STPG2: variants seen among roughly 807,000 people sequenced by gnomAD.
The protein encoded by STPG2 is sperm tail PG-rich repeat containing 2.
Under a neutral mutation model 54.2 loss-of-function variants are expected in STPG2, and 56 were observed. That is an observed-to-expected ratio of 1.03 (90% CI 0.83 to 1.29). STPG2 has a LOEUF of 1.29. Ranked by LOEUF, STPG2 falls within the 50% of genes most tolerant of loss-of-function variation. The pLI, the probability that STPG2 is intolerant of heterozygous loss-of-function variation, is 0.00. For synonymous variants in STPG2, 200 were observed against 181.8 expected (o/e 1.10, Z -0.81); for missense variants, 596 against 544.9 (o/e 1.09, Z -0.93).
chr4:97,974,742 C>T (rs922993547), intron 6 of STPG2, among the ~76,000 whole-genome samples: 1 of 152,166 alleles, frequency 6.6e-6, no homozygotes, highest in African/African-American at 2.4e-5. Flanking sequence ...TGAGGCATCC[C>T]CAGCCATGTG....
chr4:98,073,014 C>T (rs995176372), intron 5 of STPG2, among the ~76,000 whole-genome samples: 14 of 152,100 alleles, frequency 9.2e-5, no homozygotes, highest in African/African-American at 1.7e-4. Flanking sequence ...ATATATGAGA[C>T]GCAGGTGGTT....
chr4:97,708,971 TTG>T (rs1724033493), intron 10 of STPG2, among the ~76,000 whole-genome samples: 1 of 151,876 alleles, frequency 6.6e-6, no homozygotes, highest in Non-Finnish European at 1.5e-5. Flanking sequence ...TCTGTACTAC[TTG>T]AATAGATATT....
intron 10 of STPG2, among the ~76,000 whole-genome samples, chr4:97,646,951 A>C (rs1721930302): frequency 6.6e-6 from 1 of 152,156 alleles, no homozygotes; most frequent in South Asian, 2.1e-4. Flanking sequence ...CGTCTCGATA[A>C]GCAGAGAATT....
intron 9 of STPG2, among the ~76,000 whole-genome samples, chr4:97,836,768 G>A (rs927959457): frequency 2.7e-5 from 4 of 150,932 alleles, no homozygotes; most frequent in Non-Finnish European, 5.9e-5. Flanking sequence ...TACTTGAAAT[G>A]AAGCTCTATA....
rs116952213 is a variant in STPG2, at chr4:98,073,342, T to C, written c.612+32611A>G. 1.0e-3 allele frequency among the ~76,000 whole-genome samples: 158 copies of C among 152,296 alleles called. No individual in the cohort carries two copies. The East Asian group carries it at 0.028, about 27-fold the overall frequency. On this transcript the variant is annotated intron_variant, in intron 5 of 10. Coordinates refer to ENST00000295268, the MANE Select transcript of STPG2 (RefSeq NM_174952.3). ...AGGCACTATGCTAGAATTTTCATACTGTGTATTATCAATGTATGTCTAATA... is the reference window on the plus strand; with the variant it reads ...AGGCACTATGCTAGAATTTTCATACCGTGTATTATCAATGTATGTCTAATA...
intron 9 of STPG2, among the ~76,000 whole-genome samples, chr4:97,735,374 G>A (rs1012516168): frequency 6.6e-6 from 1 of 151,248 alleles, no homozygotes; most frequent in African/African-American, 2.4e-5. Flanking sequence ...CAAATAGAGT[G>A]ATACAATGTA....
At chr4:97,515,664 C>T (rs1314733062) in intron 4 of STPG2, among the ~76,000 whole-genome samples, 1 of 151,678 alleles carries the variant, frequency 6.6e-6, no homozygotes, top group Non-Finnish European at 1.5e-5. Flanking sequence ...TAGAACTATG[C>T]CATATTGTTT....
chr4:97,878,016 C>G (rs1490813393), intron 8 of STPG2, among the ~76,000 whole-genome samples: 1 of 152,172 alleles, frequency 6.6e-6, no homozygotes, highest in African/African-American at 2.4e-5. Context: ...GCTGCAGGCC[C>G]CATGCAAGTC....
At chr4:97,487,032 G>A (rs534452236) in intron 4 of STPG2, among the ~76,000 whole-genome samples, 4 of 151,564 alleles carry the variant, frequency 2.6e-5, no homozygotes, top group East Asian at 2.0e-4. Context: ...ACTGACATGT[G>A]GGAGCTAAGC....
At position 98,106,059 on chromosome 4, in the gene STPG2, T is replaced by C; in HGVS notation, c.506A>G (p.Lys169Arg). 6.9e-7 allele frequency: 1 copy of C among 1,456,806 alleles called. No individual in the cohort carries two copies. Among genetic ancestry groups the C allele is most frequent in the Non-Finnish European group, 9.3e-7 (1 of 1,073,016 alleles). 90.2% of individuals were successfully genotyped at this position (1,456,806 alleles called of 1,614,324 possible). A position where few individuals can be genotyped will look rare whatever the true frequency, so the allele number is the denominator to read the frequency against. The stretch of plus-strand genomic sequence containing the variant: ...GTTAACATTTTCATAATATGATGTC[T>C]TTTTCCTTCAGAAAATTCAAATAGA... ...GPGQYDIVQK[K>R]TSYYENVNIK... The change falls in exon 5 of 11, where the codon AAG becomes AGG. Residue 169 changes from lysine (K) to arginine (R), a missense_variant. Physicochemically the swap from Lys to Arg is conservative, Grantham distance 26. Transcript: ENST00000295268.
At chr4:97,564,574 G>T (rs1020598178) in intron 10 of STPG2, among the ~76,000 whole-genome samples, 2 of 152,156 alleles carry the variant, frequency 1.3e-5, no homozygotes, top group Non-Finnish European at 2.9e-5. Context: ...ACTGGTACTG[G>T]TTGTTCCTTT....
intron 10 of STPG2, among the ~76,000 whole-genome samples, chr4:97,709,449 T>C (rs1724044893): frequency 6.6e-6 from 1 of 151,502 alleles, no homozygotes; most frequent in East Asian, 1.9e-4. Flanking sequence ...CTAATTGAGA[T>C]TTTTCAAGCA....
At chr4:97,527,251 T>A (rs1244812733) in intron 4 of STPG2, among the ~76,000 whole-genome samples, 4 of 152,106 alleles carry the variant, frequency 2.6e-5, no homozygotes, top group African/African-American at 4.8e-5. Flanking sequence ...CATGTGGGGT[T>A]TGGTTTTCTG....
At chr4:97,558,192 T>C (rs143866479), downstream of STPG2, among the ~76,000 whole-genome samples, 20 of 152,300 alleles carry the variant, frequency 1.3e-4, no homozygotes, top group African/African-American at 4.8e-4. Context: ...AATAAATATT[T>C]AATTAATAAA....
intron 4 of STPG2, among the ~76,000 whole-genome samples, chr4:97,536,168 T>C (rs1731526145): frequency 6.6e-6 from 1 of 152,192 alleles, no homozygotes; most frequent in South Asian, 2.1e-4. Flanking sequence ...TGCTTCATCT[T>C]CAAGGTCACT....
intron 5 of STPG2, among the ~76,000 whole-genome samples, chr4:98,102,872 T>C (rs372865832): frequency 1.3e-5 from 2 of 148,704 alleles, no homozygotes; most frequent in Non-Finnish European, 3.0e-5. Flanking sequence ...ATATGGAATA[T>C]ATCATGTAAT....
chr4:97,982,743 G>A lies in STPG2; in HGVS notation c.613-1425C>T, dbSNP rs563736931. ...GTTTTGTGATTTTAACATTTTGGGA[G>A]AATCACCCTTTTGTATAATAGAACC... On this transcript the variant is annotated intron_variant, in intron 5 of 10. Transcript: ENST00000295268. Among the ~76,000 whole-genome samples, 4 of 152,188 alleles carry A rather than the reference G, an allele frequency of 2.6e-5. No individual in the cohort carries two copies. In the South Asian group the frequency reaches 6.2e-4, roughly 24 times the overall value.
intron 5 of STPG2, among the ~76,000 whole-genome samples, chr4:98,037,504 A>T (rs1026823950): frequency 6.6e-6 from 1 of 152,092 alleles, no homozygotes; most frequent in Non-Finnish European, 1.5e-5. Flanking sequence ...ACCTATAAGT[A>T]AAATTTAATA....
At chr4:97,767,839 G>C (rs1483024057) in intron 9 of STPG2, among the ~76,000 whole-genome samples, 1 of 152,132 alleles carries the variant, frequency 6.6e-6, no homozygotes, top group African/African-American at 2.4e-5. Context: ...TAAGAGTCAA[G>C]AGATGAGAAG....
Sources: gnomAD v4.1 joint callset for allele counts (sites outside exome capture counted in the v4.1 genomes callset) on GRCh38, gnomAD v4.1.1 for gene constraint, MANE v1.5 for transcripts, NCBI Gene and HGNC (gene_info 2026-07-23, HGNC 2026-07-21) for gene names.